CDKN2AIPNL: variants seen among roughly 807,000 people sequenced by gnomAD.
CDKN2AIPNL encodes XRN2 binding domain containing 1, also known as CDKN2AIP N-terminal-like protein.
CDKN2AIPNL carries 9 observed loss-of-function variants against 12.9 expected under a neutral mutation model. The ratio of observed to expected loss-of-function variants is 0.70; its 90% CI spans 0.42 to 1.22. The LOEUF is 1.22. CDKN2AIPNL is among the 50% of genes most tolerant of loss of function. The probability of loss-of-function intolerance (pLI) is 0.00; values close to 1 mark genes in which losing one functional copy is unlikely to be tolerated. For synonymous variants in CDKN2AIPNL, 53 were observed against 61.7 expected, an observed-to-expected ratio of 0.86 and a Z score of 0.66; for missense variants, 143 against 153.6, an observed-to-expected ratio of 0.93 and a Z score of 0.37.
At chr5:134,411,282 T>A (rs1354441949) in intron 1 of CDKN2AIPNL, among the ~76,000 whole-genome samples, 1 of 152,226 alleles carries the variant, frequency 6.6e-6, no homozygotes, top group Non-Finnish European at 1.5e-5. Context: ...GGACTTCGAA[T>A]GCATACTGCA....
At chr5:134,411,123 T>C in intron 1 of CDKN2AIPNL, 1 of 702,486 alleles carries the variant, frequency 1.4e-6, no homozygotes. Context: ...ACAGATTACA[T>C]CCTCTCATTA....
chr5:134,405,215 C>T (rs1157401373), intron 2 of CDKN2AIPNL, among the ~76,000 whole-genome samples: 1 of 151,348 alleles, frequency 6.6e-6, no homozygotes, highest in African/African-American at 2.4e-5. Context: ...ACGCCATTCT[C>T]CTGCCTCAGC....
Position 134,408,506 on chromosome 5 carries a change from A to G in CDKN2AIPNL, c.339+1397T>C, listed in dbSNP as rs974243961. Among the ~76,000 whole-genome samples the G allele has an allele frequency of 5.6e-5, 3 of 53,602 alleles. No individual in the cohort carries two copies. The Admixed American group carries it at 6.7e-4, about 12-fold the overall frequency. The allele number at this position is 53,602 out of a possible 152,430, so 35.2% of individuals were successfully genotyped here. On this transcript the variant is annotated intron_variant, in intron 2 of 2. Coordinates refer to ENST00000458198, the MANE Select transcript of CDKN2AIPNL (RefSeq NM_080656.3). ...AACACGGTGAAACCCCGTCTCTACT[A>G]AAAATACAAAAAAAAAAAAAAAAAA...
At chr5:134,408,084 T>C (rs975418808) in intron 2 of CDKN2AIPNL, among the ~76,000 whole-genome samples, 5 of 150,964 alleles carry the variant, frequency 3.3e-5, no homozygotes, top group African/African-American at 1.2e-4. Context: ...TGAGCTGAGA[T>C]CGTGCCACTG....
At chr5:134,408,065 A>C (rs930199409) in intron 2 of CDKN2AIPNL, among the ~76,000 whole-genome samples, 3 of 152,136 alleles carry the variant, frequency 2.0e-5, no homozygotes, top group African/African-American at 7.2e-5. Flanking sequence ...TGGGAGGCAG[A>C]GGTTGCAGTG....
At chr5:134,408,166 C>T (rs1473565771) in intron 2 of CDKN2AIPNL, among the ~76,000 whole-genome samples, 5 of 151,996 alleles carry the variant, frequency 3.3e-5, no homozygotes, top group Non-Finnish European at 5.9e-5. Flanking sequence ...ACCTCATTCC[C>T]TGCCTACCTC....
intron 2 of CDKN2AIPNL, among the ~76,000 whole-genome samples, chr5:134,407,664 TC>T (rs1237203181): frequency 6.6e-6 from 1 of 151,156 alleles, no homozygotes; most frequent in African/African-American, 2.4e-5. Context: ...AATCCCAGCT[TC>T]TTGGGACGCT....
intron 2 of CDKN2AIPNL, 108 bp downstream of exon 2, chr5:134,409,795 G>T: frequency 1.5e-6 from 1 of 647,600 alleles, no homozygotes; most frequent in South Asian, 2.1e-5. Context: ...ATAGGTCTTT[G>T]GGGCAGTAAA....
intron 2 of CDKN2AIPNL, among the ~76,000 whole-genome samples, chr5:134,404,567 A>G (rs1473652691): frequency 4.0e-5 from 6 of 151,552 alleles, no homozygotes; most frequent in Admixed American, 3.9e-4. Context: ...GGCTCAAGCA[A>G]TTCTCCCACC....
intron 2 of CDKN2AIPNL, among the ~76,000 whole-genome samples, chr5:134,405,800 A>G (rs1422025986): frequency 6.6e-6 from 1 of 152,198 alleles, no homozygotes; most frequent in African/African-American, 2.4e-5. Flanking sequence ...TTAGGTTGAC[A>G]GCTTCTTTCT....
intron 1 of CDKN2AIPNL, chr5:134,410,869 C>T (rs911983135): frequency 1.7e-6 from 1 of 600,090 alleles, no homozygotes; most frequent in Non-Finnish European, 3.0e-6. Context: ...TCAGGAAAAT[C>T]GAAGCTCTCT....
intron 1 of CDKN2AIPNL, chr5:134,410,731 T>C (rs1271097695): frequency 1.6e-5 from 7 of 440,062 alleles, no homozygotes; most frequent in Non-Finnish European, 2.9e-5. Context: ...ACTGTTCTAA[T>C]AAACCCCAAT....
chr5:134,410,683 GA>G, intron 1 of CDKN2AIPNL: 1 of 236,634 alleles, frequency 4.2e-6, no homozygotes, highest in Non-Finnish European at 8.2e-6. Context: ...AGAAGGCAGG[GA>G]AAAGGGACGG....
At chr5:134,405,251 G>A (rs1198518914) in intron 2 of CDKN2AIPNL, among the ~76,000 whole-genome samples, 3 of 145,182 alleles carry the variant, frequency 2.1e-5, no homozygotes, top group South Asian at 2.2e-4. Flanking sequence ...GACTACAGGC[G>A]CCCGCCACCG....
At chr5:134,406,352 C>A (rs1036193207) in intron 2 of CDKN2AIPNL, among the ~76,000 whole-genome samples, 1 of 152,226 alleles carries the variant, frequency 6.6e-6, no homozygotes, top group Non-Finnish European at 1.5e-5. Flanking sequence ...CTGGGCAGAA[C>A]AACAACAGAC....
chr5:134,410,810 G>A, intron 1 of CDKN2AIPNL: 1 of 584,048 alleles, frequency 1.7e-6, no homozygotes, highest in Non-Finnish European at 3.0e-6. Flanking sequence ...GCCATAATAG[G>A]TATAGAAACC....
intron 2 of CDKN2AIPNL, among the ~76,000 whole-genome samples, chr5:134,408,121 CCTCT>C (rs1347568218): frequency 6.6e-6 from 1 of 151,506 alleles, no homozygotes; most frequent in Non-Finnish European, 1.5e-5. Context: ...ACAAAGTGAG[CCTCT>C]ATCTAAAAAA....
chr5:134,411,550 C>T, intron 1 of CDKN2AIPNL, 66 bp downstream of exon 1: 4 of 1,399,952 alleles, frequency 2.9e-6, no homozygotes, highest in Non-Finnish European at 3.0e-6. Context: ...CAGGGGTGAG[C>T]CCTGGGAGAG....
intron 1 of CDKN2AIPNL, 70 bp from the exon 2 acceptor site, chr5:134,410,072 G>A: frequency 9.1e-7 from 1 of 1,094,774 alleles, no homozygotes; most frequent in Non-Finnish European, 1.4e-6. Flanking sequence ...AGAAACTGCA[G>A]GTTGCTCAAC....
Sources: allele counts gnomAD v4.1 joint callset (sites outside exome capture counted in the v4.1 genomes callset), GRCh38; gene constraint gnomAD v4.1.1; transcripts MANE v1.5; gene names NCBI Gene and HGNC (gene_info 2026-07-23, HGNC 2026-07-21).